Variants in OIT3 observed in about 807,000 individuals in gnomAD.
The protein encoded by OIT3 is oncoprotein-induced transcript 3 protein.
A neutral mutation model predicts 52.2 loss-of-function variants in OIT3; 41 were observed. That is an observed-to-expected ratio of 0.79 (90% CI 0.61 to 1.02). The LOEUF is 1.02. Among genes scored for constraint, OIT3 ranks in the 50% least tolerant of loss-of-function variants. OIT3 has a pLI of 0.00. For missense variants in OIT3, 634 were observed against 715.5 expected (o/e 0.89, Z 1.30); for synonymous variants, 244 against 276.9 (o/e 0.88, Z 1.18).
At chr10:72,915,066 A>C (rs182848445) in intron 6 of OIT3, among the ~76,000 whole-genome samples, 4 of 152,202 alleles carry the variant, frequency 2.6e-5, no homozygotes, top group Admixed American at 2.0e-4. Flanking sequence ...GGGTTTCACC[A>C]TGTTGGTCAG....
rs1846117024 is a variant in OIT3, at chr10:72,921,101, C to A, written c.952-3128C>A. On this transcript the variant is annotated intron_variant, in intron 6 of 8. Transcript: ENST00000334011. ...AAACTTGCTTTATGAATCTGGGTGC[C>A]CCTGTGTTGGGTGCATATATATTTA... is the stretch of plus-strand genomic sequence containing the variant. Among the ~76,000 whole-genome samples, 6 of 152,144 alleles carry A rather than the reference C, an allele frequency of 3.9e-5. No homozygotes were observed. In the South Asian group the frequency reaches 1.0e-3, roughly 26 times the overall value.
chr10:72,903,641 GTTC>G (rs1464662214), intron 3 of OIT3, among the ~76,000 whole-genome samples: 1 of 152,118 alleles, frequency 6.6e-6, no homozygotes, highest in Non-Finnish European at 1.5e-5. Flanking sequence ...ATTAACATGT[GTTC>G]TTCTCATCCC....
Position 72,898,768 on chromosome 10 carries a change from A to G in OIT3, c.166A>G (p.Asn56Asp). 2 of 1,614,096 alleles carry G rather than the reference A, an allele frequency of 1.2e-6. No homozygotes were observed. Among genetic ancestry groups the G allele is most frequent in the Non-Finnish European group, 1.7e-6 (2 of 1,180,004 alleles). The change falls in exon 2 of 9, where the codon AAT (asparagine) becomes GAT (aspartate). Residue 56 changes from asparagine to aspartate, a missense_variant. Coordinates refer to ENST00000334011, the MANE Select transcript of OIT3 (RefSeq NM_152635.3). The part of the protein sequence containing the change: ...QGPPLCDNHV[N>D]GEWYHFTGMA... Reference sequence around the variant, plus strand: ...TCCTCCTCTATGTGACAACCATGTGAATGGGGAGTGGTACCACTTCACGGG... The same window carrying G: ...TCCTCCTCTATGTGACAACCATGTGGATGGGGAGTGGTACCACTTCACGGG...
intron 6 of OIT3, among the ~76,000 whole-genome samples, chr10:72,915,265 T>C (rs1392980532): frequency 6.6e-6 from 1 of 152,174 alleles, no homozygotes; most frequent in Non-Finnish European, 1.5e-5. Context: ...TGTATAATAA[T>C]GGGCTAATTA....
chr10:72,929,988 G>A (rs1846202145), intron 7 of OIT3, among the ~76,000 whole-genome samples: 1 of 152,170 alleles, frequency 6.6e-6, no homozygotes, highest in South Asian at 2.1e-4. Flanking sequence ...ACAATTTGGA[G>A]GTGCATGACT....
At chr10:72,907,545 T>C (rs1479408910) in intron 4 of OIT3, among the ~76,000 whole-genome samples, 11 of 152,172 alleles carry the variant, frequency 7.2e-5, no homozygotes, top group East Asian at 1.9e-4. Context: ...CTTTTACGCT[T>C]AGCCCCTCCC....
Position 72,900,453 on chromosome 10 carries a change from T to A in OIT3, c.513T>A (p.Thr171=), listed in dbSNP as rs760386414. 5.0e-6 allele frequency: 8 copies of A among 1,610,846 alleles called. No homozygotes were observed. The South Asian group carries it at 8.8e-5, about 18-fold the overall frequency. Residue 171 remains threonine (T), a synonymous_variant, in exon 3 of 9, where the codon ACT becomes ACA. Coordinates refer to ENST00000334011, the MANE Select transcript of OIT3 (RefSeq NM_152635.3). ...DTSECTCAPG[T]VLGPDRQTCF... ...GCGAGTGCACATGCGCTCCAGGAAC[T>A]GTGCTAGGCCCTGACAGGCAGACAT... is the stretch of plus-strand genomic sequence containing the variant.
At chr10:72,905,309 A>G (rs1236699486) in intron 3 of OIT3, among the ~76,000 whole-genome samples, 1 of 152,074 alleles carries the variant, frequency 6.6e-6, no homozygotes, top group Non-Finnish European at 1.5e-5. Flanking sequence ...TGTCTCTACT[A>G]AAAATACAAA....
intron 3 of OIT3, among the ~76,000 whole-genome samples, chr10:72,903,993 A>C (rs1589522102): frequency 1.3e-5 from 2 of 152,320 alleles, no homozygotes; most frequent in African/African-American, 4.8e-5. Flanking sequence ...AATGAAATCC[A>C]CAGGCAGACA....
chr10:72,924,474 T>C lies in OIT3; in HGVS notation c.1197T>C (p.Phe399=). 3 of 1,614,184 alleles carry C rather than the reference T, an allele frequency of 1.9e-6. No homozygotes were observed. Among genetic ancestry groups the C allele is most frequent in the Middle Eastern group, 1.6e-4 (1 of 6,062 alleles). ...TGGAGATCTTCAAGGACAATGAGTT[T>C]GAAGAGCCTTACCGGGAAGCTCTGC... is the stretch of plus-strand genomic sequence containing the variant. ...FTLEIFKDNE[F]EEPYREALPT... The change falls in exon 7 of 9, where the codon TTT becomes TTC. Residue 399 remains phenylalanine, a synonymous_variant. Coordinates refer to ENST00000334011, the MANE Select transcript of OIT3 (RefSeq NM_152635.3).
chr10:72,927,942 T>C (rs1478675472), intron 7 of OIT3, among the ~76,000 whole-genome samples: 2 of 152,164 alleles, frequency 1.3e-5, no homozygotes, highest in Admixed American at 6.6e-5. Flanking sequence ...CCTCAATTCC[T>C]AGCATATGGT....
Position 72,913,304 on chromosome 10 carries a change from G to A in OIT3, c.791-4G>A, listed in dbSNP as rs763097760. ...GCTCTAACAGTGGCCCTTTTTCTCTGCAGTCCCTGTGTTGTGCAAATCAAA... is the reference window on the plus strand; with the variant it reads ...GCTCTAACAGTGGCCCTTTTTCTCTACAGTCCCTGTGTTGTGCAAATCAAA... On this transcript the variant is annotated splice_region_variant and splice_polypyrimidine_tract_variant and intron_variant, in intron 5 of 8. Coordinates refer to ENST00000334011, the MANE Select transcript of OIT3 (RefSeq NM_152635.3). 3 of 1,572,618 alleles carry A rather than the reference G, an allele frequency of 1.9e-6. No individual in the cohort carries two copies. The Admixed American group carries it at 5.2e-5, about 27-fold the overall frequency.
chr10:72,909,058 T>C (rs1846006367), intron 4 of OIT3, among the ~76,000 whole-genome samples: 1 of 151,444 alleles, frequency 6.6e-6, no homozygotes, highest in African/African-American at 2.4e-5. Flanking sequence ...TAGTACCCAA[T>C]AGGTAGTTTT....
chr10:72,926,782 TA>T (rs1446367832), intron 7 of OIT3, among the ~76,000 whole-genome samples: 7 of 152,250 alleles, frequency 4.6e-5, no homozygotes, highest in African/African-American at 1.7e-4. Context: ...ATTTTGTATT[TA>T]TTTTTTTCAG....
intron 6 of OIT3, among the ~76,000 whole-genome samples, chr10:72,922,875 T>G (rs11000448): frequency 0.25 from 37,718 of 151,976 alleles, 10,820 homozygotes; most frequent in African/African-American, 0.7. Flanking sequence ...TGGGGGTTTT[T>G]TTCTCCCACT....
chr10:72,898,176 A>T (rs1845894020), intron 1 of OIT3, among the ~76,000 whole-genome samples: 1 of 151,308 alleles, frequency 6.6e-6, no homozygotes. Context: ...GGTCCCAGCT[A>T]CTTCAGAGGC....
chr10:72,898,223 G>C (rs1845894773), intron 1 of OIT3, among the ~76,000 whole-genome samples: 1 of 152,076 alleles, frequency 6.6e-6, no homozygotes, highest in South Asian at 2.1e-4. Context: ...GGAGGCGGAG[G>C]TTGCAGTGAG....
chr10:72,907,773 T>A (rs978086384), intron 4 of OIT3, among the ~76,000 whole-genome samples: 1 of 152,202 alleles, frequency 6.6e-6, no homozygotes, highest in Non-Finnish European at 1.5e-5. Context: ...TACTTTTAGA[T>A]CTATTTTTAA....
At chr10:72,903,051 G>T (rs966238986) in intron 3 of OIT3, among the ~76,000 whole-genome samples, 3 of 152,082 alleles carry the variant, frequency 2.0e-5, no homozygotes, top group Admixed American at 6.5e-5. Context: ...TGAAATTGTA[G>T]ACAGTGTTTT....
Sources: gnomAD v4.1 joint callset for allele counts (sites outside exome capture counted in the v4.1 genomes callset) on GRCh38, gnomAD v4.1.1 for gene constraint, MANE v1.5 for transcripts, NCBI Gene and HGNC (gene_info 2026-07-23, HGNC 2026-07-21) for gene names.